The following SUSD1 variants were observed in gnomAD, a reference collection of about 807,000 sequenced individuals.
SUSD1 encodes sushi domain-containing protein 1.
Under a neutral mutation model 86.9 loss-of-function variants are expected in SUSD1, and 65 were observed. The observed-to-expected ratio is 0.75, with a 90% CI of 0.61 to 0.92. The LOEUF (loss-of-function observed/expected upper bound fraction) is 0.92, where lower values mean the gene tolerates loss of function less well. Among genes scored for constraint, SUSD1 ranks in the 40% least tolerant of loss-of-function variants. SUSD1 has a pLI of 0.00. For synonymous variants in SUSD1, 346 were observed against 350.0 expected (o/e 0.99, Z 0.13); for missense variants, 850 against 929.7 (o/e 0.91, Z 1.11).
intron 6 of SUSD1, among the ~76,000 whole-genome samples, chr9:112,115,814 A>AAAGAAAAAAG (rs1831291929): frequency 2.1e-4 from 4 of 19,250 alleles, no homozygotes; most frequent in African/African-American, 8.4e-4. Flanking sequence ...ATTGCAAAAA[A>AAAGAAAAAAG]AAAAAAAAAG....
rs868833362 is a variant in SUSD1 at position 112,098,607 on chromosome 9, A to C, written c.1337T>G (p.Phe446Cys). ...YLANFSHATS[F>C]NFTTREQVPV... ...CACTTGTTCCCTCGTTGTGAAGTTA[A>C]ACGATGTTGCATGAGAAAAGTTAGC... Residue 446 changes from phenylalanine to cysteine, a missense_variant, in exon 10 of 17, where the codon TTT (phenylalanine) becomes TGT (cysteine). Coordinates refer to ENST00000374270, the MANE Select transcript of SUSD1 (RefSeq NM_022486.5). 3.1e-6 allele frequency: 5 copies of C among 1,614,104 alleles called. No individual in the cohort carries two copies. The African/African-American group carries it at 4.0e-5, about 13-fold the overall frequency.
At chr9:112,066,687 A>G (rs1354859424) in intron 12 of SUSD1, among the ~76,000 whole-genome samples, 1 of 152,146 alleles carries the variant, frequency 6.6e-6, no homozygotes, top group African/African-American at 2.4e-5. Context: ...TTTATATGTA[A>G]GTGCTCAGCA....
chr9:112,052,528 A>T, intron 14 of SUSD1, 90 bp from the exon 15 acceptor site: 1 of 1,442,646 alleles, frequency 6.9e-7, no homozygotes, highest in Non-Finnish European at 9.7e-7. Context: ...TCTGAGTTTC[A>T]GCTTTTTCAA....
intron 10 of SUSD1, among the ~76,000 whole-genome samples, chr9:112,081,159 T>C (rs1489272875): frequency 6.6e-6 from 1 of 152,120 alleles, no homozygotes; most frequent in Non-Finnish European, 1.5e-5. Flanking sequence ...AAAGTGGAAA[T>C]AATAGAGCAG....
At chr9:112,103,089 G>A (rs1830694936) in intron 8 of SUSD1, 1 of 423,536 alleles carries the variant, frequency 2.4e-6, no homozygotes, top group Non-Finnish European at 4.7e-6. Context: ...CAATGAGAAA[G>A]GTGTAAATGT....
At chr9:112,147,888 C>T (rs2131780869) in intron 3 of SUSD1, among the ~76,000 whole-genome samples, 1 of 152,198 alleles carries the variant, frequency 6.6e-6, no homozygotes, top group East Asian at 1.9e-4. Context: ...AAATTTAATA[C>T]TGTAACATTG....
intron 3 of SUSD1, among the ~76,000 whole-genome samples, chr9:112,145,013 G>A (rs1832748546): frequency 6.6e-6 from 1 of 152,144 alleles, no homozygotes. Flanking sequence ...GGCTGAGGCA[G>A]GAGGATTGCT....
chr9:112,143,671 G>GAAAAAAAAAAAAAAAAAAAAAAAAA, intron 3 of SUSD1, 48 bp from the exon 4 acceptor site: 1 of 1,329,808 alleles, frequency 7.5e-7, no homozygotes, highest in Non-Finnish European at 1.0e-6. Flanking sequence ...ACAGAAAAAA[G>GAAAAAAAAAAAAAAAAAAAAAAAAA]AAAAAAAAAA....
intron 11 of SUSD1, among the ~76,000 whole-genome samples, chr9:112,079,663 C>T (rs78398583): frequency 0.042 from 6,377 of 150,540 alleles, 204 homozygotes; most frequent in Non-Finnish European, 0.064. Context: ...GGTTCAGTGG[C>T]GCGATCTTGG....
At chr9:112,132,912 T>A (rs1473545473) in intron 5 of SUSD1, among the ~76,000 whole-genome samples, 1 of 152,148 alleles carries the variant, frequency 6.6e-6, no homozygotes, top group African/African-American at 2.4e-5. Flanking sequence ...AAATTACACA[T>A]ATCACTCATA....
intron 2 of SUSD1, among the ~76,000 whole-genome samples, chr9:112,154,476 A>G (rs569798600): frequency 1.3e-5 from 2 of 152,070 alleles, no homozygotes; most frequent in African/African-American, 2.4e-5. Context: ...TCACACCACT[A>G]CACTCCAGCC....
chr9:112,141,324 T>C (rs919801787), intron 5 of SUSD1, among the ~76,000 whole-genome samples: 5 of 152,226 alleles, frequency 3.3e-5, no homozygotes, highest in African/African-American at 1.2e-4. Flanking sequence ...CATCATCATA[T>C]ATAAAGTGCT....
intron 7 of SUSD1, 61 bp from the exon 8 acceptor site, chr9:112,111,901 T>C (rs1270414120): frequency 5.8e-6 from 9 of 1,555,330 alleles, no homozygotes; most frequent in Non-Finnish European, 7.9e-6. Context: ...CCAGGATTTG[T>C]GGTGCTGGAG....
At chr9:112,102,346 C>A in intron 8 of SUSD1, 61 bp from the exon 9 acceptor site, 1 of 832,936 alleles carries the variant, frequency 1.2e-6, no homozygotes, top group Non-Finnish European at 1.8e-6. Flanking sequence ...TGCATCATGG[C>A]TGAGTACAAG....
intron 12 of SUSD1, among the ~76,000 whole-genome samples, chr9:112,068,899 A>G (rs1162232556): frequency 6.6e-6 from 1 of 152,116 alleles, no homozygotes; most frequent in Non-Finnish European, 1.5e-5. Flanking sequence ...CAGGGGAGAG[A>G]CGGCAGGAAT....
At chr9:112,144,704 G>A (rs1473785555) in intron 3 of SUSD1, among the ~76,000 whole-genome samples, 1 of 152,186 alleles carries the variant, frequency 6.6e-6, no homozygotes, top group African/African-American at 2.4e-5. Context: ...ATAGGATGGT[G>A]TGGCAGGTAA....
intron 2 of SUSD1, among the ~76,000 whole-genome samples, chr9:112,156,942 G>C (rs760996052): frequency 4.6e-5 from 7 of 152,156 alleles, no homozygotes; most frequent in Non-Finnish European, 1.0e-4. Flanking sequence ...GTCATGGCAT[G>C]GTGGATATCA....
At chr9:112,167,608 T>G (rs933418366) in intron 1 of SUSD1, among the ~76,000 whole-genome samples, 4 of 152,208 alleles carry the variant, frequency 2.6e-5, no homozygotes, top group African/African-American at 9.6e-5. Context: ...TTACAAGCGC[T>G]TGGGTTAGTT....
chr9:112,127,557 C>T (rs1831828015), intron 5 of SUSD1, among the ~76,000 whole-genome samples: 2 of 152,132 alleles, frequency 1.3e-5, no homozygotes, highest in African/African-American at 4.8e-5. Flanking sequence ...GGGATCCTGT[C>T]TTCCTCTGAA....
Sources: allele counts gnomAD v4.1 joint callset (sites outside exome capture counted in the v4.1 genomes callset), GRCh38; gene constraint gnomAD v4.1.1; transcripts MANE v1.5; gene names NCBI Gene and HGNC (gene_info 2026-07-23, HGNC 2026-07-21).